The following ZFHX3 variants were observed in gnomAD, a reference collection of about 807,000 sequenced individuals.
The protein encoded by ZFHX3 is zinc finger homeobox protein 3.
In ZFHX3, 42 loss-of-function variants were observed where a neutral mutation model predicts 279.1. That is an observed-to-expected ratio of 0.15 (90% CI 0.12 to 0.19). The LOEUF is 0.19. Among genes scored for constraint, ZFHX3 ranks in the 10% least tolerant of loss-of-function variants. ZFHX3 has a pLI of 1.00. For synonymous variants in ZFHX3, 2,293 were observed against 1,957.8 expected (o/e 1.17, Z -4.52); for missense variants, 4,981 against 4,754.0 (o/e 1.05, Z -1.40).
chr16:72,993,262 A>G (rs979812989), intron 1 of ZFHX3, among the ~76,000 whole-genome samples: 3 of 152,160 alleles, frequency 2.0e-5, no homozygotes, highest in African/African-American at 7.2e-5. Flanking sequence ...CTCCTCACCC[A>G]AGCACCCTGT....
chr16:72,928,859 G>A (rs1355565553), intron 3 of ZFHX3, among the ~76,000 whole-genome samples: 2 of 152,160 alleles, frequency 1.3e-5, no homozygotes, highest in African/African-American at 4.8e-5. Context: ...CTGCTCAGGA[G>A]GCTGAGGCAG....
chr16:72,787,722 G>GCCGCCA lies in ZFHX3; in HGVS notation c.10553_10554insTGGCGG (p.Gly3526_Gly3527dup), dbSNP rs1555515344. On this transcript the variant is annotated inframe_insertion, in exon 10 of 10. Transcript: ENST00000268489. ...CGCCGCCGCCGCCGCCGCCGCCACC[G>GCCGCCA]CCGCCGCCGCCGCCACTGCCACCGC... 76 of 1,229,826 alleles carry GCCGCCA rather than the reference G, an allele frequency of 6.2e-5. No homozygotes were observed. The African/African-American group carries it at 9.3e-4, about 15-fold the overall frequency. The allele number at this position is 1,229,826 out of a possible 1,614,324, so 76.2% of individuals were successfully genotyped here.
chr16:73,031,283 G>GA (rs1018591773), intron 1 of ZFHX3, among the ~76,000 whole-genome samples: 2 of 152,190 alleles, frequency 1.3e-5, no homozygotes, highest in Non-Finnish European at 2.9e-5. Flanking sequence ...TGGCGGCGGG[G>GA]GGGGAAGTAA....
chr16:73,722,828 T>G (rs1026660543), intron 1 of ZFHX3, among the ~76,000 whole-genome samples: 8 of 152,194 alleles, frequency 5.3e-5, no homozygotes, highest in Middle Eastern at 3.2e-3. Flanking sequence ...TAGTATCTCT[T>G]TAAATAATGC....
At chr16:73,055,144 A>G (rs530868491) in intron 1 of ZFHX3, among the ~76,000 whole-genome samples, 1 of 149,552 alleles carries the variant, frequency 6.7e-6, no homozygotes, top group South Asian at 2.1e-4. Flanking sequence ...TTTTTTTAAT[A>G]GTTTGTTGTA....
chr16:73,574,953 C>T (rs2051784275), intron 2 of ZFHX3, among the ~76,000 whole-genome samples: 1 of 152,218 alleles, frequency 6.6e-6, no homozygotes, highest in Admixed American at 6.5e-5. Context: ...ACTCAGCACT[C>T]TCCTTTGTTC....
At chr16:73,034,975 T>C (rs969054878) in intron 1 of ZFHX3, among the ~76,000 whole-genome samples, 1 of 152,188 alleles carries the variant, frequency 6.6e-6, no homozygotes, top group Admixed American at 6.5e-5. Context: ...GGGTGATGGC[T>C]GACTTGGCTC....
chr16:72,986,644 G>C (rs1007814308), intron 1 of ZFHX3, among the ~76,000 whole-genome samples: 18 of 152,058 alleles, frequency 1.2e-4, no homozygotes, highest in Admixed American at 9.8e-4. Flanking sequence ...TATCGGCACC[G>C]TCTCCAATGC....
At chr16:73,067,388 A>C (rs1965769188) in intron 8 of ZFHX3, among the ~76,000 whole-genome samples, 1 of 151,968 alleles carries the variant, frequency 6.6e-6, no homozygotes, top group Non-Finnish European at 1.5e-5. Flanking sequence ...GCGCTCCTCC[A>C]CCCCAGCCTG....
intron 2 of ZFHX3, among the ~76,000 whole-genome samples, chr16:73,537,353 G>C (rs778912082): frequency 1.0e-5 from 1 of 97,326 alleles, no homozygotes; most frequent in Non-Finnish European, 1.9e-5. Flanking sequence ...GTCTCACTCT[G>C]TTGCCCAGGC....
chr16:72,879,347 A>G (rs2038400911), intron 4 of ZFHX3, among the ~76,000 whole-genome samples: 1 of 152,208 alleles, frequency 6.6e-6, no homozygotes, highest in South Asian at 2.1e-4. Context: ...TACCCCAACC[A>G]GAGCACAAAC....
chr16:73,857,361 G>C (rs1008791529), intron 1 of ZFHX3, among the ~76,000 whole-genome samples: 12 of 152,164 alleles, frequency 7.9e-5, no homozygotes, highest in African/African-American at 2.9e-4. Context: ...TTTTCCCTAA[G>C]TATGTTTATC....
intron 3 of ZFHX3, among the ~76,000 whole-genome samples, chr16:73,423,287 T>A (rs2017752060): frequency 6.6e-6 from 1 of 152,126 alleles, no homozygotes; most frequent in Admixed American, 6.5e-5. Flanking sequence ...CAGACACAGT[T>A]TTATAGCTAG....
At chr16:73,345,404 C>A (rs1011359359) in intron 3 of ZFHX3, among the ~76,000 whole-genome samples, 4 of 148,100 alleles carry the variant, frequency 2.7e-5, no homozygotes, top group African/African-American at 1.0e-4. Context: ...ACCCCACCCC[C>A]CGACAGGCCC....
chr16:73,798,395 G>A (rs1485953595), intron 1 of ZFHX3, among the ~76,000 whole-genome samples: 1 of 151,906 alleles, frequency 6.6e-6, no homozygotes, highest in Non-Finnish European at 1.5e-5. Flanking sequence ...AAGCTGAAAT[G>A]CATTTAAAAC....
chr16:73,585,995 A>G (rs1175521404), intron 2 of ZFHX3, among the ~76,000 whole-genome samples: 1 of 152,238 alleles, frequency 6.6e-6, no homozygotes, highest in African/African-American at 2.4e-5. Context: ...AAACACAAAT[A>G]TAAAATACAA....
At chr16:73,038,787 CTATTATTAT>C (rs10539654) in intron 1 of ZFHX3, among the ~76,000 whole-genome samples, 12 of 147,066 alleles carry the variant, frequency 8.2e-5, no homozygotes, top group South Asian at 2.2e-4. Flanking sequence ...CTTTTTATTA[CTATTATTAT>C]TATTATTATT....
At chr16:73,856,272 C>T (rs1164640160) in intron 1 of ZFHX3, among the ~76,000 whole-genome samples, 5 of 151,952 alleles carry the variant, frequency 3.3e-5, no homozygotes, top group African/African-American at 4.8e-5. Context: ...TTTAAAAAAA[C>T]GTTTTACACT....
chr16:73,676,613 T>C (rs1451468499), intron 2 of ZFHX3, among the ~76,000 whole-genome samples: 1 of 151,906 alleles, frequency 6.6e-6, no homozygotes, highest in Non-Finnish European at 1.5e-5. Flanking sequence ...GCAATAAGGC[T>C]AATATTTTAT....
Sources: gnomAD v4.1 joint callset for allele counts (sites outside exome capture counted in the v4.1 genomes callset) on GRCh38, gnomAD v4.1.1 for gene constraint, MANE v1.5 for transcripts, NCBI Gene and HGNC (gene_info 2026-07-23, HGNC 2026-07-21) for gene names.